The following SND1 variants were observed in gnomAD, a reference collection of about 807,000 sequenced individuals.
The protein encoded by SND1 is staphylococcal nuclease domain-containing protein 1.
A neutral mutation model predicts 121.7 loss-of-function variants in SND1; 38 were observed. That is an observed-to-expected ratio of 0.31 (90% CI 0.24 to 0.41). The LOEUF is 0.41. SND1 is among the 10% of genes least tolerant of loss of function. The pLI is 1.00. For synonymous variants in SND1, 401 were observed against 447.4 expected (o/e 0.90, Z 1.31); for missense variants, 868 against 1,184.6 (o/e 0.73, Z 3.92).
chr7:128,069,384 A>C (rs142407397), intron 16 of SND1, among the ~76,000 whole-genome samples: 1 of 152,316 alleles, frequency 6.6e-6, no homozygotes, highest in East Asian at 1.9e-4. Flanking sequence ...TTCAGTGCAC[A>C]GGACCCCTCC....
rs118108526 is a variant in SND1 at position 127,969,592 on chromosome 7, C to A, written c.1670-21355C>A. On this transcript the variant is annotated intron_variant, in intron 15 of 23. Transcript: ENST00000354725. ...TACAAGAATTAGCCAGGCATGGTGG[C>A]GGGCACGTGTAGTCCTAGCTACTTA... 8.8e-3 allele frequency among the ~76,000 whole-genome samples: 1,335 copies of A among 152,122 alleles called. 12 individuals carry two copies. Among genetic ancestry groups the A allele is most frequent in the South Asian group, 0.029 (138 of 4,804 alleles).
At chr7:127,777,014 C>T (rs1029853029) in intron 10 of SND1, among the ~76,000 whole-genome samples, 2 of 152,220 alleles carry the variant, frequency 1.3e-5, no homozygotes, top group African/African-American at 4.8e-5. Context: ...ATACATTTCT[C>T]CTGTAGACTG....
intron 15 of SND1, 145 bp from the exon 16 acceptor site, chr7:127,990,802 A>G (rs1802505498): frequency 3.3e-6 from 2 of 611,798 alleles, no homozygotes; most frequent in Non-Finnish European, 5.8e-6. Context: ...CACTTCTCCC[A>G]TTACCTCTGT....
intron 10 of SND1, among the ~76,000 whole-genome samples, chr7:127,728,680 T>C (rs1329266087): frequency 1.3e-5 from 2 of 152,262 alleles, no homozygotes; most frequent in African/African-American, 4.8e-5. Flanking sequence ...CCCAGCTTCA[T>C]ATCCCTTCTT....
chr7:127,784,408 CCTT>C (rs1373370675), intron 10 of SND1, among the ~76,000 whole-genome samples: 1 of 152,174 alleles, frequency 6.6e-6, no homozygotes, highest in Non-Finnish European at 1.5e-5. Flanking sequence ...TACTGCCTAT[CCTT>C]CTTTCCTCCC....
chr7:127,720,606 A>T (rs991611474), intron 9 of SND1, among the ~76,000 whole-genome samples: 1 of 152,100 alleles, frequency 6.6e-6, no homozygotes, highest in Admixed American at 6.5e-5. Flanking sequence ...TTTATCCCAG[A>T]CTAGTTCTTT....
At chr7:127,730,123 C>A (rs1194656427) in intron 10 of SND1, among the ~76,000 whole-genome samples, 1 of 152,140 alleles carries the variant, frequency 6.6e-6, no homozygotes, top group Non-Finnish European at 1.5e-5. Flanking sequence ...CATGAGCCAC[C>A]ACATCCAGCT....
At chr7:127,826,254 A>G (rs1286649746) in intron 11 of SND1, among the ~76,000 whole-genome samples, 1 of 152,166 alleles carries the variant, frequency 6.6e-6, no homozygotes, top group Non-Finnish European at 1.5e-5. Context: ...ATAAACTTTT[A>G]TGTATTGATT....
chr7:127,844,429 G>A lies in SND1; in HGVS notation c.1343+5G>A. Reference sequence around the variant, plus strand: ...CACTGTCACCATTGGAGGAATGTGAGTGTTCTGGCTGGCATGGACTCAGCT... The same window carrying A: ...CACTGTCACCATTGGAGGAATGTGAATGTTCTGGCTGGCATGGACTCAGCT... On this transcript the variant is annotated splice_donor_5th_base_variant and intron_variant, in intron 12 of 23. Transcript: ENST00000354725. The A allele has an allele frequency of 6.2e-7, 1 of 1,609,860 alleles. No homozygotes were observed. The highest frequency in any genetic ancestry group is 8.5e-7 in the Non-Finnish European group (1 of 1,177,058).
intron 14 of SND1, 84 bp from the exon 15 acceptor site, chr7:127,929,104 C>A: frequency 7.0e-7 from 1 of 1,424,018 alleles, no homozygotes; most frequent in Non-Finnish European, 9.7e-7. Context: ...TAGCTTCCTG[C>A]CAAACTTTTT....
At chr7:127,773,841 C>G (rs900645501) in intron 10 of SND1, among the ~76,000 whole-genome samples, 3 of 152,188 alleles carry the variant, frequency 2.0e-5, no homozygotes, top group Non-Finnish European at 2.9e-5. Flanking sequence ...CACATATACT[C>G]TTTTATGATG....
intron 11 of SND1, among the ~76,000 whole-genome samples, chr7:127,842,545 C>A (rs1169443790): frequency 6.6e-6 from 1 of 152,176 alleles, no homozygotes; most frequent in Non-Finnish European, 1.5e-5. Flanking sequence ...TCTCCCCTAC[C>A]TGCACACTGC....
intron 15 of SND1, among the ~76,000 whole-genome samples, chr7:127,964,686 C>T (rs1217526679): frequency 6.0e-5 from 9 of 150,796 alleles, no homozygotes; most frequent in South Asian, 4.2e-4. Context: ...AGTCAGGTAG[C>T]GTGATGCCTC....
chr7:128,065,184 G>T (rs1027438428), intron 16 of SND1, among the ~76,000 whole-genome samples: 3 of 152,242 alleles, frequency 2.0e-5, no homozygotes. Context: ...ATGGGTACCT[G>T]AGGAAGCAGA....
intron 11 of SND1, among the ~76,000 whole-genome samples, chr7:127,808,258 G>A (rs1024583565): frequency 1.3e-5 from 2 of 151,430 alleles, no homozygotes; most frequent in Non-Finnish European, 2.9e-5. Context: ...TGCACCCTGA[G>A]TTCAAGCATT....
intron 12 of SND1, among the ~76,000 whole-genome samples, chr7:127,867,759 T>G (rs1379395885): frequency 6.6e-6 from 1 of 152,184 alleles, no homozygotes; most frequent in Non-Finnish European, 1.5e-5. Flanking sequence ...ATTACTGCTT[T>G]AATTCTCTTT....
In SND1 at chr7:127,686,648, G is replaced by A. The variant is rs1361106489; in HGVS notation, c.114G>A (p.Gln38=). Residue 38 remains glutamine, a synonymous_variant, in exon 2 of 24, where the codon CAG becomes CAA. Coordinates refer to ENST00000354725, the MANE Select transcript of SND1 (RefSeq NM_014390.4). The part of the protein sequence containing the change: ...LSGCAIIVRG[Q]PRGGPPPERQ... ...GGTGCGCCATCATTGTCCGAGGTCAGCCTCGTGGTGGGCCTCCTCCTGAGC... is the reference window on the plus strand; with the variant it reads ...GGTGCGCCATCATTGTCCGAGGTCAACCTCGTGGTGGGCCTCCTCCTGAGC... 2 of 1,613,988 alleles carry A rather than the reference G, an allele frequency of 1.2e-6. No homozygotes were observed. Among genetic ancestry groups the A allele is most frequent in the Non-Finnish European group, 1.7e-6 (2 of 1,180,014 alleles).
intron 16 of SND1, among the ~76,000 whole-genome samples, chr7:128,060,894 T>G (rs1464693088): frequency 6.6e-6 from 1 of 152,218 alleles, no homozygotes; most frequent in Non-Finnish European, 1.5e-5. Context: ...CAAGAGACAC[T>G]GAGCGTCTTC....
chr7:127,866,059 T>C (rs1220149709), intron 12 of SND1, among the ~76,000 whole-genome samples: 5 of 152,190 alleles, frequency 3.3e-5, no homozygotes, highest in Non-Finnish European at 7.3e-5. Flanking sequence ...CTGTGTAGTT[T>C]ATTAAAATAC....
Sources: gnomAD v4.1 joint callset for allele counts (sites outside exome capture counted in the v4.1 genomes callset) on GRCh38, gnomAD v4.1.1 for gene constraint, MANE v1.5 for transcripts, NCBI Gene and HGNC (gene_info 2026-07-23, HGNC 2026-07-21) for gene names.